Variants in KDM4C observed in about 807,000 individuals in gnomAD.
The protein encoded by KDM4C is lysine-specific demethylase 4C.
KDM4C carries 81 observed loss-of-function variants against 129.3 expected under a neutral mutation model. The ratio of observed to expected loss-of-function variants is 0.63; its 90% confidence interval spans 0.52 to 0.75. The LOEUF (loss-of-function observed/expected upper bound fraction) is 0.75. Among genes scored for constraint, KDM4C ranks in the 30% least tolerant of loss-of-function variants. The pLI is 0.00. For missense variants in KDM4C, 1,457 were observed against 1,304.0 expected (o/e 1.12, Z -1.81); for synonymous variants, 573 against 456.1 (o/e 1.26, Z -3.26).
intron 20 of KDM4C, among the ~76,000 whole-genome samples, chr9:7,169,263 A>G (rs573205316): frequency 6.6e-6 from 1 of 152,248 alleles, no homozygotes; most frequent in African/African-American, 2.4e-5. Context: ...TAAAGTTTTC[A>G]TATCCTGTAT....
chr9:6,974,798 G>A, intron 8 of KDM4C: 1 of 152,166 alleles, frequency 6.6e-6, no homozygotes, highest in East Asian at 1.9e-4. Context: ...GACATGGAGT[G>A]CATGAATTCA....
chr9:6,835,227 G>C (rs1564122920), intron 4 of KDM4C: 2 of 909,658 alleles, frequency 2.2e-6, no homozygotes, highest in East Asian at 4.8e-5. Flanking sequence ...GCTGCCCTGA[G>C]GCACTCTTCC....
chr9:6,736,493 C>A (rs1289561706), intron 1 of KDM4C, among the ~76,000 whole-genome samples: 1 of 152,084 alleles, frequency 6.6e-6, no homozygotes, highest in African/African-American at 2.4e-5. Context: ...ACACTCCAGC[C>A]ATGACTAAAA....
At chr9:6,877,611 G>T (rs1056886218) in intron 5 of KDM4C, among the ~76,000 whole-genome samples, 3 of 152,216 alleles carry the variant, frequency 2.0e-5, no homozygotes, top group Non-Finnish European at 4.4e-5. Flanking sequence ...TTGATTAAAA[G>T]AATAGTAGTA....
At chr9:6,992,244 T>A (rs924289691) in intron 12 of KDM4C, among the ~76,000 whole-genome samples, 3 of 152,182 alleles carry the variant, frequency 2.0e-5, no homozygotes, top group African/African-American at 7.2e-5. Context: ...TGTGTCCTTA[T>A]TTGCCTAGGA....
chr9:6,776,082 C>G (rs1316193412), intron 1 of KDM4C, among the ~76,000 whole-genome samples: 1 of 152,120 alleles, frequency 6.6e-6, no homozygotes, highest in South Asian at 2.1e-4. Flanking sequence ...GATAACACAC[C>G]TTTCTCTTTT....
intron 4 of KDM4C, among the ~76,000 whole-genome samples, chr9:6,837,627 C>T (rs954371652): frequency 2.6e-5 from 4 of 152,144 alleles, no homozygotes; most frequent in Non-Finnish European, 2.9e-5. Context: ...ATGTCTTTAT[C>T]GGCCATTCAT....
At chr9:6,830,067 C>G (rs1263799451) in intron 4 of KDM4C, among the ~76,000 whole-genome samples, 1 of 151,894 alleles carries the variant, frequency 6.6e-6, no homozygotes, top group Admixed American at 6.6e-5. Context: ...GTTTCTGTAC[C>G]AAAATTTTTT....
intron 8 of KDM4C, among the ~76,000 whole-genome samples, chr9:6,977,446 A>G (rs924009875): frequency 2.0e-5 from 3 of 152,198 alleles, no homozygotes; most frequent in Non-Finnish European, 2.9e-5. Context: ...TCAAGTGGAT[A>G]TTATTTCATG....
At chr9:6,756,791 C>A (rs1483779828), upstream of KDM4C, among the ~76,000 whole-genome samples, 1 of 152,180 alleles carries the variant, frequency 6.6e-6, no homozygotes, top group Non-Finnish European at 1.5e-5. Context: ...CCAATAATCC[C>A]GTTAGCCTTA....
chr9:7,153,012 G>T (rs541011820), intron 19 of KDM4C, among the ~76,000 whole-genome samples: 2 of 152,108 alleles, frequency 1.3e-5, no homozygotes, highest in African/African-American at 4.8e-5. Flanking sequence ...AGAAATATGA[G>T]GTTTTAAAAT....
rs10976025 is a variant in KDM4C, at chr9:7,075,412, C to T, written c.2424+26212C>T. On this transcript the variant is annotated intron_variant, in intron 17 of 21. Transcript: ENST00000381309. ...CGACCTAGTGGAGGTTTTTGAGTCTCTGGGGTGCTTCCCTCATGAATGGAT... is the reference window on the plus strand; with the variant it reads ...CGACCTAGTGGAGGTTTTTGAGTCTTTGGGGTGCTTCCCTCATGAATGGAT... Among the ~76,000 whole-genome samples the T allele has an allele frequency of 2.7e-3, 405 of 152,232 alleles. 10 individuals are homozygous for T. Among genetic ancestry groups the T allele is most frequent in the East Asian group, 0.025 (129 of 5,174 alleles).
chr9:6,770,798 T>C (rs1156606048), intron 1 of KDM4C, among the ~76,000 whole-genome samples: 2 of 140,898 alleles, frequency 1.4e-5, no homozygotes, highest in Non-Finnish European at 3.0e-5. Flanking sequence ...CCTTTTGAGA[T>C]GGAATCTCGC....
chr9:6,762,353 G>A (rs894437449), intron 1 of KDM4C, among the ~76,000 whole-genome samples: 9 of 141,632 alleles, frequency 6.4e-5, no homozygotes, highest in African/African-American at 2.4e-4. Flanking sequence ...ATTTCTGTTT[G>A]TAGAGATGGG....
At chr9:7,131,231 A>G (rs1402951529) in intron 19 of KDM4C, among the ~76,000 whole-genome samples, 3 of 152,006 alleles carry the variant, frequency 2.0e-5, no homozygotes, top group African/African-American at 2.4e-5. Flanking sequence ...GAATAATTCA[A>G]TCGTGTTGTG....
At chr9:6,852,105 A>G (rs1838953051) in intron 5 of KDM4C, among the ~76,000 whole-genome samples, 3 of 152,242 alleles carry the variant, frequency 2.0e-5, no homozygotes, top group Admixed American at 2.0e-4. Context: ...AGAGAGTGTT[A>G]TAAATGCCCC....
chr9:6,790,748 AG>A (rs561068789), intron 1 of KDM4C, among the ~76,000 whole-genome samples: 249 of 148,932 alleles, frequency 1.7e-3, no homozygotes, highest in African/African-American at 6.0e-3. Context: ...TAATGGATTT[AG>A]AAGAAGGTTG....
At chr9:6,799,005 A>T (rs973333573) in intron 2 of KDM4C, among the ~76,000 whole-genome samples, 1 of 100,886 alleles carries the variant, frequency 9.9e-6, no homozygotes, top group African/African-American at 4.6e-5. Context: ...CCTAGATGGG[A>T]TGGCGGCCGG....
chr9:7,019,491 A>G lies in KDM4C; in HGVS notation c.2259+3562A>G, dbSNP rs552246758. 5.9e-5 allele frequency among the ~76,000 whole-genome samples: 9 copies of G among 151,908 alleles called. No homozygotes were observed. The South Asian group carries it at 1.7e-3, about 28-fold the overall frequency. On this transcript the variant is annotated intron_variant, in intron 15 of 21. Coordinates refer to ENST00000381309, the MANE Select transcript of KDM4C (RefSeq NM_015061.6). Reference sequence around the variant, plus strand: ...CTGCCTTGTGAAGGTAAGGTTATTCATCAGGAACGTAAAATATTCCTATAG... The same window carrying G: ...CTGCCTTGTGAAGGTAAGGTTATTCGTCAGGAACGTAAAATATTCCTATAG...
Sources: allele counts gnomAD v4.1 joint callset (sites outside exome capture counted in the v4.1 genomes callset), GRCh38; gene constraint gnomAD v4.1.1; transcripts MANE v1.5; gene names NCBI Gene and HGNC (gene_info 2026-07-23, HGNC 2026-07-21).